CAMTA1: variants seen among roughly 807,000 people sequenced by gnomAD.
CAMTA1 encodes the protein calmodulin-binding transcription activator 1.
Under a neutral mutation model 170.9 loss-of-function variants are expected in CAMTA1, and 27 were observed. That is an observed-to-expected ratio of 0.16 (90% CI 0.12 to 0.22). The LOEUF (loss-of-function observed/expected upper bound fraction) is 0.22. Ranked by LOEUF, CAMTA1 falls within the 10% of genes least tolerant of loss-of-function variation. CAMTA1 has a pLI of 1.00. For missense variants in CAMTA1, 1,619 were observed against 2,217.2 expected (o/e 0.73, Z 5.42); for synonymous variants, 833 against 891.5 (o/e 0.93, Z 1.17).
At chr1:7,126,347 C>G (rs573267637) in intron 4 of CAMTA1, among the ~76,000 whole-genome samples, 23 of 152,210 alleles carry the variant, frequency 1.5e-4, no homozygotes, top group Non-Finnish European at 2.9e-4. Flanking sequence ...CTTCTACCCC[C>G]TCCCTAATTC....
At chr1:6,907,327 G>A (rs375608286) in intron 3 of CAMTA1, among the ~76,000 whole-genome samples, 190 of 152,252 alleles carry the variant, frequency 1.2e-3, no homozygotes, top group African/African-American at 4.5e-3. Flanking sequence ...AGGAGACATG[G>A]CAAACGAACT....
intron 4 of CAMTA1, among the ~76,000 whole-genome samples, chr1:7,208,472 AC>A (rs1658164282): frequency 3.3e-5 from 5 of 152,226 alleles, no homozygotes; most frequent in Admixed American, 1.3e-4. Flanking sequence ...CTGTTTGTCT[AC>A]CCCTGTGCTA....
At chr1:7,703,216 T>C (rs565785078) in intron 11 of CAMTA1, among the ~76,000 whole-genome samples, 68 of 151,426 alleles carry the variant, frequency 4.5e-4, no homozygotes, top group African/African-American at 1.4e-3. Context: ...CCTTGATGAA[T>C]GCATAGGAGT....
At chr1:7,474,342 C>A (rs768717334) in intron 6 of CAMTA1, among the ~76,000 whole-genome samples, 5 of 152,074 alleles carry the variant, frequency 3.3e-5, no homozygotes, top group Non-Finnish European at 7.4e-5. Context: ...TCTGGGCAGT[C>A]TGTCTATTTT....
At chr1:7,301,269 C>T (rs559743828) in intron 5 of CAMTA1, among the ~76,000 whole-genome samples, 32 of 152,110 alleles carry the variant, frequency 2.1e-4, no homozygotes, top group Non-Finnish European at 3.5e-4. Flanking sequence ...CCTTCACCTG[C>T]GGTATTGCGA....
intron 6 of CAMTA1, among the ~76,000 whole-genome samples, chr1:7,530,740 T>C (rs1241644775): frequency 6.6e-6 from 1 of 151,258 alleles, no homozygotes; most frequent in Non-Finnish European, 1.5e-5. Flanking sequence ...AAACGTCAGC[T>C]CCATAGCCAT....
intron 3 of CAMTA1, among the ~76,000 whole-genome samples, chr1:6,842,972 G>A (rs1268477874): frequency 1.3e-5 from 2 of 151,954 alleles, no homozygotes; most frequent in African/African-American, 4.8e-5. Flanking sequence ...GGGAACATTT[G>A]TAATAGGCAA....
intron 5 of CAMTA1, among the ~76,000 whole-genome samples, chr1:7,375,922 G>A (rs1373778456): frequency 6.6e-6 from 1 of 152,210 alleles, no homozygotes; most frequent in East Asian, 1.9e-4. Context: ...GGAAGCAGCG[G>A]ACTGGGGCAA....
At chr1:7,351,298 C>T (rs1017032628) in intron 5 of CAMTA1, among the ~76,000 whole-genome samples, 1 of 152,252 alleles carries the variant, frequency 6.6e-6, no homozygotes, top group Non-Finnish European at 1.5e-5. Context: ...AGTGACGCCA[C>T]GCACTCAGGA....
chr1:6,870,268 A>G (rs1249221118), intron 3 of CAMTA1, among the ~76,000 whole-genome samples: 1 of 152,134 alleles, frequency 6.6e-6, no homozygotes, highest in Non-Finnish European at 1.5e-5. Flanking sequence ...CGAGCAACAA[A>G]CACATATGTG....
rs2096098780 is a variant in CAMTA1, at chr1:7,674,897, C to G, written c.2780-2702C>G. Among the ~76,000 whole-genome samples, 1 of 152,204 alleles carries G rather than the reference C, an allele frequency of 6.6e-6. No homozygotes were observed. Among genetic ancestry groups the G allele is most frequent in the Admixed American group, 6.5e-5 (1 of 15,278 alleles). On this transcript the variant is annotated intron_variant, in intron 10 of 22. Transcript: ENST00000303635. This position sits in a 1 kb window ranked among gnomAD's most constrained non-coding sequence, Gnocchi z 4.1. ...AACATCCTGGGCACTGACCTTGGCA[C>G]TAGGCATGAAGATTAAGACAGAGCC...
intron 6 of CAMTA1, among the ~76,000 whole-genome samples, chr1:7,485,258 A>AT (rs1237083024): frequency 6.6e-6 from 1 of 151,884 alleles, no homozygotes; most frequent in Non-Finnish European, 1.5e-5. Flanking sequence ...GTTGTCACCC[A>AT]TGTCTCCATC....
chr1:7,137,081 T>G (rs1250458326), intron 4 of CAMTA1, among the ~76,000 whole-genome samples: 9 of 152,218 alleles, frequency 5.9e-5, no homozygotes, highest in African/African-American at 2.2e-4. Flanking sequence ...GCTGCTACCC[T>G]AATCTTTCCT....
chr1:6,901,462 AC>A (rs1298255544), intron 3 of CAMTA1, among the ~76,000 whole-genome samples: 2 of 152,222 alleles, frequency 1.3e-5, no homozygotes, highest in Non-Finnish European at 2.9e-5. Flanking sequence ...ACTGGGAGGA[AC>A]CTTTGTAAAA....
intron 10 of CAMTA1, among the ~76,000 whole-genome samples, chr1:7,671,383 G>GT (rs960246255): frequency 2.0e-5 from 3 of 152,346 alleles, no homozygotes; most frequent in African/African-American, 7.2e-5. Flanking sequence ...ACTAGAGCTG[G>GT]TAAGAGCTGG....
intron 11 of CAMTA1, among the ~76,000 whole-genome samples, chr1:7,728,383 C>T (rs1396516374): frequency 6.6e-6 from 1 of 152,256 alleles, no homozygotes; most frequent in East Asian, 1.9e-4. Flanking sequence ...TCGCTCCAGG[C>T]TGACCACAGC....
rs184765431 is a variant in CAMTA1 at position 6,922,478 on chromosome 1, T to C, written c.234+97268T>C. Among the ~76,000 whole-genome samples, 503 of 152,276 alleles carry C rather than the reference T, an allele frequency of 3.3e-3. 4 individuals are homozygous for C. Among genetic ancestry groups the C allele is most frequent in the African/African-American group, 0.011 (438 of 41,552 alleles). On this transcript the variant is annotated intron_variant, in intron 3 of 22. Coordinates refer to ENST00000303635, the MANE Select transcript of CAMTA1 (RefSeq NM_015215.4). ...CATCTTAAAGGCTTCTCTGAGTGGG[T>C]CTGGGAAGATGCAAGCATTTGGGGA...
chr1:7,244,963 A>G (rs1431848697), intron 4 of CAMTA1, among the ~76,000 whole-genome samples: 1 of 151,976 alleles, frequency 6.6e-6, no homozygotes, highest in Non-Finnish European at 1.5e-5. Flanking sequence ...CATTTTAATG[A>G]TCATAACTCT....
chr1:7,176,315 C>T (rs979418253), intron 4 of CAMTA1, among the ~76,000 whole-genome samples: 2 of 152,236 alleles, frequency 1.3e-5, no homozygotes, highest in African/African-American at 4.8e-5. Flanking sequence ...GAAGAACCCA[C>T]ACTCAAGGCA....
Sources: allele counts gnomAD v4.1 joint callset (sites outside exome capture counted in the v4.1 genomes callset), GRCh38; gene constraint gnomAD v4.1.1; non-coding constraint Gnocchi (gnomAD v3.1); transcripts MANE v1.5; gene names NCBI Gene and HGNC (gene_info 2026-07-23, HGNC 2026-07-21).